Variants in PHYKPL observed in about 807,000 individuals in gnomAD.
The protein encoded by PHYKPL is 5-phosphohydroxy-L-lysine phospho-lyase.
PHYKPL carries 42 observed loss-of-function variants against 51.3 expected under a neutral mutation model. That is an observed-to-expected ratio of 0.82 (90% CI 0.64 to 1.06). The LOEUF is 1.06. PHYKPL is among the 50% of genes least tolerant of loss of function. PHYKPL has a pLI of 0.00. For synonymous variants in PHYKPL, 264 were observed against 236.0 expected (o/e 1.12, Z -1.09); for missense variants, 655 against 586.6 (o/e 1.12, Z -1.20).
chr5:178,210,712 A>G lies in PHYKPL; in HGVS notation c.*31+1178T>C, dbSNP rs1033203458. On this transcript the variant is annotated intron_variant, in intron 12 of 12. Coordinates refer to ENST00000308158, the MANE Select transcript of PHYKPL (RefSeq NM_153373.4). ...TTATGTACCAAATTTAACTTGGCAA[A>G]CTTTCTATTGCCTGTCCCATGTGCA... 3 of 987,258 alleles carry G rather than the reference A, an allele frequency of 3.0e-6. No homozygotes were observed. In the African/African-American group the frequency reaches 4.8e-5, roughly 16 times the overall value. 61.2% of individuals were successfully genotyped at this position (987,258 alleles called of 1,614,324 possible).
intron 3 of PHYKPL, among the ~76,000 whole-genome samples, chr5:178,227,112 C>T (rs1027949907): frequency 3.3e-5 from 5 of 151,820 alleles, no homozygotes; most frequent in African/African-American, 7.3e-5. Flanking sequence ...CCCGGTAGCT[C>T]GCAATGGCCC....
chr5:178,222,683 G>T, intron 7 of PHYKPL, 103 bp from the exon 8 acceptor site: 1 of 1,394,396 alleles, frequency 7.2e-7, no homozygotes, highest in Non-Finnish European at 9.9e-7. Context: ...CCAGCAGTAA[G>T]GTGGGGACCT....
At chr5:178,211,647 T>G in intron 12 of PHYKPL, 1 of 455,746 alleles carries the variant, frequency 2.2e-6, no homozygotes, top group South Asian at 3.0e-5. Context: ...GAGGCAAGGG[T>G]GGGTTGGGGT....
intron 1 of PHYKPL, 159 bp from the exon 2 acceptor site, chr5:178,231,682 T>C: frequency 6.4e-7 from 1 of 1,569,786 alleles, no homozygotes; most frequent in Non-Finnish European, 8.6e-7. Context: ...GTCTCTCCAC[T>C]CCACAGGTGG....
chr5:178,221,620 C>T (rs1435815909), intron 8 of PHYKPL, among the ~76,000 whole-genome samples: 1 of 152,134 alleles, frequency 6.6e-6, no homozygotes. Flanking sequence ...TTTTAGTCCC[C>T]AATTCAAACT....
In PHYKPL at chr5:178,232,677, G is replaced by C; in HGVS notation, c.-127C>G. On this transcript the variant is annotated 5_prime_UTR_variant, in exon 1 of 13. Coordinates refer to ENST00000308158, the MANE Select transcript of PHYKPL (RefSeq NM_153373.4). ...GGATTTGGGGCTCAGGTTCGCACTC[G>C]GCCCCGCCCCGAAGCGCCCGCGTTG... 9.3e-7 allele frequency: 1 copy of C among 1,078,144 alleles called. No individual in the cohort carries two copies. 66.8% of individuals were successfully genotyped at this position (1,078,144 alleles called of 1,614,324 possible). A position where few individuals can be genotyped will look rare whatever the true frequency, so the allele number is the denominator to read the frequency against.
At chr5:178,213,812 C>T (rs11747964) in intron 10 of PHYKPL, among the ~76,000 whole-genome samples, 23,618 of 152,210 alleles carry the variant, frequency 0.16, 2,761 homozygotes, top group African/African-American at 0.33. Context: ...ACCATGGCCA[C>T]GCCAGAAAGA....
At chr5:178,219,575 G>C (rs907317883) in intron 8 of PHYKPL, among the ~76,000 whole-genome samples, 1 of 151,370 alleles carries the variant, frequency 6.6e-6, no homozygotes, top group African/African-American at 2.4e-5. Context: ...TCAGCCTCCC[G>C]AGTAGCTGGG....
rs1763763070 is a variant in PHYKPL at position 178,232,605 on chromosome 5, G to A, written c.-55C>T. 2.4e-6 allele frequency: 3 copies of A among 1,248,170 alleles called. No individual in the cohort carries two copies. The East Asian group carries it at 9.5e-5, about 40-fold the overall frequency. 77.3% of individuals were successfully genotyped at this position (1,248,170 alleles called of 1,614,324 possible). On this transcript the variant is annotated 5_prime_UTR_variant, in exon 1 of 13. Transcript: ENST00000308158. ...GCCACGCGGAGACGTCGCCGCGCGGGCTGGGCCTCCAAGGCCCCGCTCCGG... is the reference window on the plus strand; with the variant it reads ...GCCACGCGGAGACGTCGCCGCGCGGACTGGGCCTCCAAGGCCCCGCTCCGG...
At chr5:178,232,352 G>C (rs1250693781) in intron 1 of PHYKPL, 140 bp downstream of exon 1, 5 of 1,281,592 alleles carry the variant, frequency 3.9e-6, no homozygotes, top group Non-Finnish European at 4.9e-6. Context: ...CAGCGGGGCC[G>C]GGGCAGCGGC....
chr5:178,229,825 G>T, intron 3 of PHYKPL, 115 bp downstream of exon 3: 3 of 1,346,630 alleles, frequency 2.2e-6, no homozygotes, highest in South Asian at 1.4e-5. Flanking sequence ...CTGGTGCAGT[G>T]GGGGCTGCCT....
At chr5:178,221,270 T>C (rs1761123608) in intron 8 of PHYKPL, among the ~76,000 whole-genome samples, 1 of 152,178 alleles carries the variant, frequency 6.6e-6, no homozygotes, top group Non-Finnish European at 1.5e-5. Context: ...GTTGTTCCCC[T>C]TACACAACCC....
rs1224104415 is a variant in PHYKPL, at chr5:178,222,420, AG to A, written c.861del (p.Cys288AlafsTer37). 3 of 1,614,234 alleles carry A rather than the reference AG, an allele frequency of 1.9e-6. No individual in the cohort carries two copies. The highest frequency in any genetic ancestry group is 2.5e-6 in the Non-Finnish European group (3 of 1,180,034). ...GKSIGNGHPV[A>X]CVAATQPVAR... Reference sequence around the variant, plus strand: ...GCCACAGGCTGGGTTGCGGCCACGCAGGCAACAGGGTGGCCGTTGCCAATGG... The same window carrying A: ...GCCACAGGCTGGGTTGCGGCCACGCAGCAACAGGGTGGCCGTTGCCAATGG... On this transcript the variant is annotated frameshift_variant, in exon 8 of 13. Coordinates refer to ENST00000308158, the MANE Select transcript of PHYKPL (RefSeq NM_153373.4). LOFTEE classifies it high-confidence loss of function.
chr5:178,218,216 C>CAG (rs1554109196), intron 8 of PHYKPL, among the ~76,000 whole-genome samples: 9 of 58,282 alleles, frequency 1.5e-4, no homozygotes, highest in Non-Finnish European at 3.0e-5. Flanking sequence ...AACTCCGTCT[C>CAG]AAAAAAAAAA....
At position 178,215,385 on chromosome 5, in the gene PHYKPL, T is replaced by G. The variant is rs1197427682; in HGVS notation, c.973A>C (p.Asn325His). 2 of 1,613,898 alleles carry G rather than the reference T, an allele frequency of 1.2e-6. No individual in the cohort carries two copies. Among genetic ancestry groups the G allele is most frequent in the African/African-American group, 1.3e-5 (1 of 74,996 alleles). ...VSCAVGLAVL[N>H]VLEKEQLQDH... ...TGGAGCTGCTCCTTCTCCAAGACAT[T>G]CAGGACGGCCAGCCCCACAGCGCAG... The change falls in exon 9 of 13, where the codon AAT becomes CAT. Residue 325 changes from asparagine to histidine, a missense_variant. Physicochemically the swap from Asn to His is moderately conservative, Grantham distance 68. Transcript: ENST00000308158.
chr5:178,218,080 G>C (rs1360565582), intron 8 of PHYKPL, among the ~76,000 whole-genome samples: 2 of 107,108 alleles, frequency 1.9e-5, no homozygotes, highest in East Asian at 5.3e-4. Flanking sequence ...AGCCGGGCGT[G>C]GTAGCGGGCG....
At position 178,212,916 on chromosome 5, in the gene PHYKPL, GT is replaced by G. The variant is rs1758913248; in HGVS notation, c.1303+56del. The G allele has an allele frequency of 1.1e-5, 18 of 1,600,006 alleles. No individual in the cohort carries two copies. In the South Asian group the frequency reaches 1.7e-4, roughly 15 times the overall value. On this transcript the variant is annotated intron_variant, in intron 11 of 12. Coordinates refer to ENST00000308158, the MANE Select transcript of PHYKPL (RefSeq NM_153373.4). ...CCCTGTTCCATGCTAGGAGGCTCTA[GT>G]TGCTGGCTTCAGGCTGAGTTCTAGA...
chr5:178,232,433 G>A, intron 1 of PHYKPL, 59 bp downstream of exon 1: 3 of 1,373,936 alleles, frequency 2.2e-6, no homozygotes, highest in South Asian at 1.7e-5. Context: ...TGCGTCGTGC[G>A]TGCGCGTGCC....
chr5:178,207,636 C>G (rs577792468), downstream of PHYKPL, among the ~76,000 whole-genome samples: 101 of 149,990 alleles, frequency 6.7e-4, no homozygotes, highest in Non-Finnish European at 1.0e-3. Context: ...TATTCCAGAG[C>G]CTTTCTACCT....
Sources: gnomAD v4.1 joint callset for allele counts (sites outside exome capture counted in the v4.1 genomes callset) on GRCh38, gnomAD v4.1.1 for gene constraint, MANE v1.5 for transcripts, NCBI Gene and HGNC (gene_info 2026-07-23, HGNC 2026-07-21) for gene names.